SLC9A6: variants seen among roughly 807,000 people sequenced by gnomAD.
SLC9A6 encodes sodium/hydrogen exchanger 6.
In SLC9A6, 6 loss-of-function variants were observed where a neutral mutation model predicts 45.3. That is an observed-to-expected ratio of 0.13 (90% CI 0.07 to 0.26). SLC9A6 has a LOEUF of 0.26. Ranked by LOEUF, SLC9A6 falls within the 10% of genes least tolerant of loss-of-function variation. The probability of loss-of-function intolerance (pLI) is 1.00; values close to 1 mark genes in which losing one functional copy is unlikely to be tolerated. For synonymous variants in SLC9A6, 191 were observed against 187.7 expected (o/e 1.02, Z -0.14); for missense variants, 278 against 503.7 (o/e 0.55, Z 4.29).
rs1292220528 is a variant in SLC9A6 at position 135,998,505 on chromosome X, G to T, written c.471G>T (p.Gly157=). 2 of 1,177,857 alleles carry T rather than the reference G, an allele frequency of 1.7e-6. No homozygotes were observed. The highest frequency in any genetic ancestry group is 2.0e-5 in the South Asian group (1 of 49,481). The change falls in exon 5 of 18, where the codon GGG becomes GGT. Residue 157 remains glycine (G), a synonymous_variant. Transcript: ENST00000630721. ...LKRRHFFRNL[G]SILAYAFLGT... ...AGAGACATTTTTTTCGAAATCTTGGGTCTATCCTAGCATACGCTTTTCTTG... is the reference window on the plus strand; with the variant it reads ...AGAGACATTTTTTTCGAAATCTTGGTTCTATCCTAGCATACGCTTTTCTTG...
At chrX:136,010,730 A>G in intron 8 of SLC9A6, 147 bp downstream of exon 8, 2 of 553,395 alleles carry the variant, frequency 3.6e-6, no homozygotes, top group South Asian at 6.0e-5. Context: ...ACATTAAGCA[A>G]CAGTCTTTGC....
At chrX:135,994,727 G>T in intron 2 of SLC9A6, 59 bp from the exon 3 acceptor site, 1 of 1,056,977 alleles carries the variant, frequency 9.5e-7, no homozygotes, top group Non-Finnish European at 1.3e-6. Context: ...AGTTATGCGT[G>T]GGGTACAAAA....
intron 8 of SLC9A6, 123 bp downstream of exon 8, chrX:136,010,706 T>A: frequency 1.5e-6 from 1 of 648,180 alleles, no homozygotes; most frequent in Non-Finnish European, 2.4e-6. Flanking sequence ...TATAACTAAG[T>A]ACTTGGTTTG....
At chrX:136,008,582 A>G (rs1311292462) in intron 7 of SLC9A6, among the ~76,000 whole-genome samples, 2 of 112,316 alleles carry the variant, frequency 1.8e-5, no homozygotes, top group African/African-American at 6.5e-5. Flanking sequence ...TTAAAAAAGC[A>G]TAATTCAAAA....
chrX:135,998,345 TTCTCTTA>T, intron 4 of SLC9A6, 130 bp from the exon 5 acceptor site: 1 of 558,615 alleles, frequency 1.8e-6, no homozygotes, highest in Non-Finnish European at 3.0e-6. Context: ...CAAGAATGCT[TTCTCTTA>T]TTTATCCTAG....
chrX:135,986,016 C>G (rs1012131890), intron 2 of SLC9A6, among the ~76,000 whole-genome samples, 189 bp downstream of exon 2: 3 of 109,130 alleles, frequency 2.7e-5, no homozygotes, highest in African/African-American at 6.7e-5. Context: ...GCCTCGCGCC[C>G]CATTTTATCT....
chrX:135,974,938 A>G lies in SLC9A6; in HGVS notation c.-57+155A>G, dbSNP rs781949058. On this transcript the variant is annotated intron_variant, in intron 1 of 16. Transcript: ENST00000636092. ...CCTTGTCTCTATCTCTGATCCGGGT[A>G]AAATGTATACTCCTCTGCCCATTTT... The G allele has an allele frequency of 1.3e-4, 32 of 249,948 alleles. No homozygotes were observed. The East Asian group carries it at 2.7e-3, about 21-fold the overall frequency. 20.6% of individuals were successfully genotyped at this position (249,948 alleles called of 1,213,427 possible).
At chrX:135,991,043 C>T (rs2089422255) in intron 2 of SLC9A6, among the ~76,000 whole-genome samples, 1 of 111,689 alleles carries the variant, frequency 9.0e-6, no homozygotes, top group African/African-American at 3.3e-5. Flanking sequence ...TGCTATCTAA[C>T]AGTCAGTTTT....
intron 8 of SLC9A6, 58 bp from the exon 9 acceptor site, chrX:136,012,891 T>C (rs2070950060): frequency 2.2e-6 from 2 of 896,805 alleles, no homozygotes; most frequent in Non-Finnish European, 3.3e-6. Context: ...TAAACTGTTA[T>C]TTTTTCTAGT....
chrX:136,033,524 A>G, intron 16 of SLC9A6, 31 bp downstream of exon 16: 1 of 858,046 alleles, frequency 1.2e-6, no homozygotes, highest in Non-Finnish European at 1.7e-6. Flanking sequence ...AAAAAAAAGG[A>G]TAATGTGGAC....
intron 2 of SLC9A6, among the ~76,000 whole-genome samples, chrX:135,987,051 C>G (rs782694294): frequency 9.0e-6 from 1 of 111,261 alleles, no homozygotes; most frequent in African/African-American, 3.3e-5. Context: ...GTGCATCTCT[C>G]AAGGATAGCA....
At chrX:135,996,155 C>T (rs1231474777) in intron 3 of SLC9A6, among the ~76,000 whole-genome samples, 1 of 106,523 alleles carries the variant, frequency 9.4e-6, no homozygotes, top group Non-Finnish European at 1.9e-5. Flanking sequence ...CCTCAGCCTC[C>T]TTAGTAGCTC....
At chrX:135,990,145 C>T (rs782088652) in intron 2 of SLC9A6, among the ~76,000 whole-genome samples, 127 of 110,777 alleles carry the variant, frequency 1.1e-3, no homozygotes, top group African/African-American at 3.7e-3. Flanking sequence ...GCCACCACGC[C>T]TGGCTAAATT....
intron 1 of SLC9A6, among the ~76,000 whole-genome samples, chrX:135,977,696 C>T (rs1340380904): frequency 9.0e-6 from 1 of 111,174 alleles, no homozygotes; most frequent in Non-Finnish European, 1.9e-5. Context: ...ATTGAAATCG[C>T]ATCCTGTTTA....
chrX:136,030,775 T>C (rs1056443294), intron 15 of SLC9A6, among the ~76,000 whole-genome samples: 30 of 111,874 alleles, frequency 2.7e-4, no homozygotes, highest in African/African-American at 9.8e-4. Flanking sequence ...CTGCCCTCTC[T>C]AGACTGACTA....
intron 7 of SLC9A6, among the ~76,000 whole-genome samples, chrX:136,007,291 G>C (rs369318085): frequency 1.0e-3 from 113 of 110,134 alleles, no homozygotes; most frequent in African/African-American, 3.6e-3. Context: ...TCATCAATGG[G>C]GGGGGGTTCC....
chrX:136,012,022 G>A (rs1392188003), intron 8 of SLC9A6, among the ~76,000 whole-genome samples: 7 of 112,500 alleles, frequency 6.2e-5, no homozygotes, highest in Admixed American at 4.7e-4. Flanking sequence ...CCCAGGAGGC[G>A]GAGCTTGCAG....
intron 1 of SLC9A6, among the ~76,000 whole-genome samples, chrX:135,977,387 A>AG (rs2148124425): frequency 8.9e-6 from 1 of 112,000 alleles, no homozygotes; most frequent in South Asian, 3.7e-4. Flanking sequence ...TCCCAGACTC[A>AG]TCTTCAAGCT....
chrX:135,999,915 G>A (rs1556617143), intron 6 of SLC9A6, among the ~76,000 whole-genome samples: 1 of 110,513 alleles, frequency 9.0e-6, no homozygotes, highest in African/African-American at 3.3e-5. Context: ...ATAACACAGG[G>A]CTTTATGGGA....
Sources: gnomAD v4.1 joint callset for allele counts (sites outside exome capture counted in the v4.1 genomes callset) on GRCh38, gnomAD v4.1.1 for gene constraint, MANE v1.5 for transcripts, NCBI Gene and HGNC (gene_info 2026-07-23, HGNC 2026-07-21) for gene names.